PLA2G7: variants seen among roughly 807,000 people sequenced by gnomAD.
PLA2G7 encodes the protein platelet-activating factor acetylhydrolase.
In PLA2G7, 63 loss-of-function variants were observed where a neutral mutation model predicts 49.6. The observed-to-expected ratio is 1.27, with a 90% CI of 1.04 to 1.57. PLA2G7 has a LOEUF of 1.57. PLA2G7 is among the 40% of genes most tolerant of loss of function. The probability of loss-of-function intolerance (pLI) is 0.00; values close to 1 mark genes in which losing one functional copy is unlikely to be tolerated. For synonymous variants in PLA2G7, 193 were observed against 169.9 expected, an observed-to-expected ratio of 1.14 and a Z score of -1.06; for missense variants, 596 against 521.2, an observed-to-expected ratio of 1.14 and a Z score of -1.40.
chr6:46,709,827 A>C (rs927662401), intron 8 of PLA2G7, among the ~76,000 whole-genome samples: 1 of 152,150 alleles, frequency 6.6e-6, no homozygotes, highest in African/African-American at 2.4e-5. Context: ...TCAGGGAAGA[A>C]AGTTATACAG....
chr6:46,710,075 A>G (rs1764961432), intron 8 of PLA2G7, among the ~76,000 whole-genome samples: 1 of 152,146 alleles, frequency 6.6e-6, no homozygotes, highest in African/African-American at 2.4e-5. Context: ...AAATTTCTTC[A>G]TTGTATCTGG....
intron 11 of PLA2G7, 68 bp from the exon 12 acceptor site, chr6:46,704,764 G>T: frequency 2.1e-6 from 2 of 960,356 alleles, no homozygotes. Flanking sequence ...GGTGCCCCTA[G>T]GTGGCAATAA....
At position 46,707,995 on chromosome 6, in the gene PLA2G7, T is replaced by C; in HGVS notation, c.1036A>G (p.Ile346Val). 1 of 1,555,850 alleles carries C rather than the reference T, an allele frequency of 6.4e-7. No individual in the cohort carries two copies. Among genetic ancestry groups the C allele is most frequent in the Non-Finnish European group, 8.9e-7 (1 of 1,128,578 alleles). ...SPDKERKMIT[I>V]RGSVHQNFAD... Reference sequence around the variant, plus strand: ...AAATAAGTCACTAATACTTACCTGATTGTAATCATCTTTCTTTCTTTATCA... The same window carrying C: ...AAATAAGTCACTAATACTTACCTGACTGTAATCATCTTTCTTTCTTTATCA... The change falls in exon 10 of 12, where the codon ATC (isoleucine) becomes GTC (valine). Residue 346 changes from isoleucine to valine, a missense_variant. By Grantham distance (29) the Ile-to-Val change is conservative (BLOSUM62 3). Coordinates refer to ENST00000274793, the MANE Select transcript of PLA2G7 (RefSeq NM_005084.4).
chr6:46,710,469 A>T (rs1764974577), intron 8 of PLA2G7, 76 bp downstream of exon 8: 1 of 938,894 alleles, frequency 1.1e-6, no homozygotes, highest in African/African-American at 1.6e-5. Flanking sequence ...TGTACCTTGC[A>T]ATATAGCAGA....
chr6:46,722,274 G>A (rs879452253), intron 2 of PLA2G7, among the ~76,000 whole-genome samples: 1 of 152,132 alleles, frequency 6.6e-6, no homozygotes, highest in African/African-American at 2.4e-5. Context: ...TCTATTATCA[G>A]GTAGGAAAGA....
At chr6:46,724,198 AT>A (rs1356190054) in intron 1 of PLA2G7, among the ~76,000 whole-genome samples, 1 of 151,512 alleles carries the variant, frequency 6.6e-6, no homozygotes, top group African/African-American at 2.4e-5. Context: ...TCCCTACTTT[AT>A]TTTTCTCCAA....
intron 1 of PLA2G7, among the ~76,000 whole-genome samples, chr6:46,734,626 T>C (rs963744343): frequency 4.0e-5 from 6 of 151,654 alleles, no homozygotes; most frequent in African/African-American, 9.7e-5. Context: ...ATCGAGACCA[T>C]TGTGGCGAAC....
At chr6:46,720,661 A>G (rs1765366764) in intron 2 of PLA2G7, among the ~76,000 whole-genome samples, 1 of 152,002 alleles carries the variant, frequency 6.6e-6, no homozygotes, top group Non-Finnish European at 1.5e-5. Context: ...TCAAATGACC[A>G]CTCACACAGT....
At chr6:46,722,035 T>G (rs1048958335) in intron 2 of PLA2G7, among the ~76,000 whole-genome samples, 1 of 152,150 alleles carries the variant, frequency 6.6e-6, no homozygotes, top group African/African-American at 2.4e-5. Flanking sequence ...TCCTCTGGGA[T>G]GAGCAGGAAT....
intron 11 of PLA2G7, 101 bp downstream of exon 11, chr6:46,705,052 A>G: frequency 1.1e-6 from 1 of 925,652 alleles, no homozygotes. Context: ...TCCATTGTAA[A>G]CCAACTGGAA....
intron 2 of PLA2G7, among the ~76,000 whole-genome samples, chr6:46,721,002 A>G (rs2150705824): frequency 6.6e-6 from 1 of 152,272 alleles, no homozygotes; most frequent in South Asian, 2.1e-4. Context: ...ATCTTATTTA[A>G]TAAACTGTTT....
chr6:46,706,820 G>A (rs549417870), intron 10 of PLA2G7, among the ~76,000 whole-genome samples: 22 of 152,292 alleles, frequency 1.4e-4, no homozygotes, highest in African/African-American at 5.1e-4. Flanking sequence ...ATACACATAA[G>A]CTAAATGAAG....
chr6:46,723,728 A>G (rs1765478764), intron 1 of PLA2G7, among the ~76,000 whole-genome samples: 1 of 152,104 alleles, frequency 6.6e-6, no homozygotes, highest in Non-Finnish European at 1.5e-5. Context: ...ATCACCTCTA[A>G]CGAGTCTCCC....
chr6:46,707,866 C>A (rs1157524919), intron 10 of PLA2G7, 125 bp downstream of exon 10: 2 of 640,658 alleles, frequency 3.1e-6, no homozygotes, highest in South Asian at 3.7e-5. Flanking sequence ...TTATCTAATT[C>A]TCTCCTTATT....
At chr6:46,711,429 T>C (rs888830992) in intron 7 of PLA2G7, 67 bp downstream of exon 7, 20 of 1,569,512 alleles carry the variant, frequency 1.3e-5, no homozygotes, top group Non-Finnish European at 1.8e-5. Context: ...AAAATTAAAT[T>C]AACAAATGTC....
chr6:46,704,862 G>T (rs1310477769), intron 11 of PLA2G7, among the ~76,000 whole-genome samples, 166 bp from the exon 12 acceptor site: 1 of 152,162 alleles, frequency 6.6e-6, no homozygotes, highest in African/African-American at 2.4e-5. Context: ...GCAGCTGAAT[G>T]CAAACGGGAT....
At position 46,714,536 on chromosome 6, in the gene PLA2G7, CA is replaced by C; in HGVS notation, c.393del (p.Ala132GlnfsTer7). ...LRLLFGSMTT[P>X]ANWNSPLRPG... ...GGCCTCAGAGGGGAATTCCAGTTTGCAGGAGTTGTCATTGAACCTAGACAAC... is the reference window on the plus strand; with the variant it reads ...GGCCTCAGAGGGGAATTCCAGTTTGCGGAGTTGTCATTGAACCTAGACAAC... On this transcript the variant is annotated frameshift_variant, in exon 5 of 12. Coordinates refer to ENST00000274793, the MANE Select transcript of PLA2G7 (RefSeq NM_005084.4). LOFTEE classifies it high-confidence loss of function. 2 of 1,607,124 alleles carry C rather than the reference CA, an allele frequency of 1.2e-6. No individual in the cohort carries two copies. Among genetic ancestry groups the C allele is most frequent in the Non-Finnish European group, 1.7e-6 (2 of 1,173,884 alleles).
At chr6:46,730,143 A>C (rs1347148392) in intron 1 of PLA2G7, among the ~76,000 whole-genome samples, 1 of 152,218 alleles carries the variant, frequency 6.6e-6, no homozygotes, top group Non-Finnish European at 1.5e-5. Flanking sequence ...AGTAACCCAA[A>C]AATAACCAGA....
chr6:46,719,323 G>C (rs888699454), intron 2 of PLA2G7, among the ~76,000 whole-genome samples: 1 of 152,196 alleles, frequency 6.6e-6, no homozygotes, highest in Non-Finnish European at 1.5e-5. Flanking sequence ...ACCTGCCCAT[G>C]ATGAAGCCTT....
Sources: gnomAD v4.1 joint callset for allele counts (sites outside exome capture counted in the v4.1 genomes callset) on GRCh38, gnomAD v4.1.1 for gene constraint, MANE v1.5 for transcripts, NCBI Gene and HGNC (gene_info 2026-07-23, HGNC 2026-07-21) for gene names.